The following NLK variants were observed in gnomAD, a reference collection of about 807,000 sequenced individuals.
NLK encodes the protein nemo like kinase.
A neutral mutation model predicts 59.0 loss-of-function variants in NLK; 11 were observed. The ratio of observed to expected loss-of-function variants is 0.19; its 90% confidence interval spans 0.12 to 0.31. NLK has a LOEUF of 0.31. Ranked by LOEUF, NLK falls within the 10% of genes least tolerant of loss-of-function variation. The pLI is 1.00. For synonymous variants in NLK, 235 were observed against 235.9 expected (o/e 1.00, Z 0.03); for missense variants, 410 against 661.1 (o/e 0.62, Z 4.16).
At chr17:28,132,107 A>G (rs891021734) in intron 2 of NLK, among the ~76,000 whole-genome samples, 4 of 151,846 alleles carry the variant, frequency 2.6e-5, no homozygotes, top group African/African-American at 9.7e-5. Context: ...CCTTCTTTAC[A>G]TTTTTCCTCC....
chr17:28,167,263 A>G (rs1396311928), intron 5 of NLK, among the ~76,000 whole-genome samples: 5 of 152,116 alleles, frequency 3.3e-5, no homozygotes, highest in East Asian at 1.9e-4. Flanking sequence ...TAGGGTCTCA[A>G]TCTCACTCTG....
chr17:28,078,183 T>C (rs1234093320), intron 1 of NLK, among the ~76,000 whole-genome samples: 1 of 152,216 alleles, frequency 6.6e-6, no homozygotes, highest in African/African-American at 2.4e-5. Context: ...TTTTCTGTAA[T>C]GGCAGCTGAA....
At chr17:28,081,673 C>T (rs1351728267) in intron 1 of NLK, among the ~76,000 whole-genome samples, 1 of 152,178 alleles carries the variant, frequency 6.6e-6, no homozygotes, top group Non-Finnish European at 1.5e-5. Context: ...ATGACGTGTA[C>T]ACTGGGGTAA....
chr17:28,140,803 C>G (rs1445533718), intron 3 of NLK, among the ~76,000 whole-genome samples: 2 of 151,574 alleles, frequency 1.3e-5, no homozygotes, highest in Admixed American at 6.6e-5. Flanking sequence ...ACCCCACCCC[C>G]CAAAAAAGAG....
downstream of NLK, among the ~76,000 whole-genome samples, chr17:28,196,629 A>C (rs1053987666): frequency 2.0e-5 from 3 of 152,212 alleles, no homozygotes; most frequent in African/African-American, 7.2e-5. Context: ...TAGACCTTGG[A>C]GTCTCTAATC....
At chr17:28,111,561 A>G (rs1191660604) in intron 1 of NLK, among the ~76,000 whole-genome samples, 1 of 152,096 alleles carries the variant, frequency 6.6e-6, no homozygotes, top group African/African-American at 2.4e-5. Context: ...TTTTTGCTAA[A>G]AACTGGACGT....
intron 1 of NLK, among the ~76,000 whole-genome samples, chr17:28,113,034 A>G (rs1382475966): frequency 6.6e-6 from 1 of 152,214 alleles, no homozygotes; most frequent in Non-Finnish European, 1.5e-5. Flanking sequence ...AATAATGGAA[A>G]GACTCATCCT....
At chr17:28,185,098 A>G in intron 7 of NLK, 81 bp from the exon 8 acceptor site, 1 of 732,516 alleles carries the variant, frequency 1.4e-6, no homozygotes, top group Middle Eastern at 2.4e-4. Flanking sequence ...CTGAGTACTT[A>G]CCTTATCATA....
intron 1 of NLK, among the ~76,000 whole-genome samples, chr17:28,066,745 T>A (rs1334335520): frequency 6.6e-6 from 1 of 152,230 alleles, no homozygotes; most frequent in African/African-American, 2.4e-5. Flanking sequence ...AAAGTTCCAG[T>A]TGCTTGTGAG....
intron 2 of NLK, among the ~76,000 whole-genome samples, chr17:28,125,791 A>G (rs1348576451): frequency 2.0e-5 from 3 of 152,206 alleles, no homozygotes; most frequent in Admixed American, 6.5e-5. Context: ...TGTGGAGGAT[A>G]CAATAAAGGC....
chr17:28,116,013 C>A (rs893059444), intron 1 of NLK, among the ~76,000 whole-genome samples: 7 of 151,940 alleles, frequency 4.6e-5, no homozygotes, highest in African/African-American at 1.7e-4. Flanking sequence ...ATTGTTGTTG[C>A]TGAAGTATTT....
At chr17:28,126,357 C>T (rs761553748) in intron 2 of NLK, among the ~76,000 whole-genome samples, 1 of 152,120 alleles carries the variant, frequency 6.6e-6, no homozygotes. Context: ...TTTAAAGCTT[C>T]TCAGGTGACA....
intron 2 of NLK, among the ~76,000 whole-genome samples, chr17:28,126,150 G>C (rs1172858482): frequency 6.6e-6 from 1 of 152,210 alleles, no homozygotes; most frequent in East Asian, 1.9e-4. Context: ...TATGATAAAA[G>C]CACTGTGGGA....
intron 1 of NLK, among the ~76,000 whole-genome samples, chr17:28,075,391 A>G (rs1224954841): frequency 6.6e-6 from 1 of 152,202 alleles, no homozygotes; most frequent in South Asian, 2.1e-4. Context: ...ACCTTTCTCT[A>G]CCCCTGTGAT....
chr17:28,094,726 A>AT (rs1355066386), intron 1 of NLK, among the ~76,000 whole-genome samples: 1 of 152,202 alleles, frequency 6.6e-6, no homozygotes, highest in African/African-American at 2.4e-5. Context: ...AAAGGGAGGT[A>AT]TAAGAGTTGG....
Position 28,043,351 on chromosome 17 carries a change from C to A in NLK, c.458+20C>A, listed in dbSNP as rs757737124. 3 of 1,505,810 alleles carry A rather than the reference C, an allele frequency of 2.0e-6. No homozygotes were observed. The highest frequency in any genetic ancestry group is 2.3e-5 in the Admixed American group (1 of 44,408). The allele number at this position is 1,505,810 out of a possible 1,614,324, so 93.3% of individuals were successfully genotyped here. A position where few individuals can be genotyped will look rare whatever the true frequency, so the allele number is the denominator to read the frequency against. On this transcript the variant is annotated intron_variant, in intron 1 of 10. Transcript: ENST00000407008. The stretch of plus-strand genomic sequence containing the variant: ...TGTCTGGTGAGTATCCAAAGAAAAA[C>A]ACAACCTCTCATGGTTTCTTCTGTT...
intron 1 of NLK, among the ~76,000 whole-genome samples, chr17:28,070,902 C>A (rs764555638): frequency 7.9e-5 from 12 of 152,090 alleles, no homozygotes; most frequent in Non-Finnish European, 1.6e-4. Flanking sequence ...TAGTGAAATT[C>A]TAAGCTTTTC....
chr17:28,112,985 A>G (rs1319096799), intron 1 of NLK, among the ~76,000 whole-genome samples: 3 of 152,152 alleles, frequency 2.0e-5, no homozygotes, highest in African/African-American at 7.2e-5. Flanking sequence ...AGAAGTGACA[A>G]AGTTCTTTGG....
At chr17:28,058,881 T>C (rs937147395) in intron 1 of NLK, among the ~76,000 whole-genome samples, 2 of 152,134 alleles carry the variant, frequency 1.3e-5, no homozygotes, top group African/African-American at 4.8e-5. Flanking sequence ...ATCCCAGCAC[T>C]TTGGGAGGCC....
Sources: allele counts gnomAD v4.1 joint callset (sites outside exome capture counted in the v4.1 genomes callset), GRCh38; gene constraint gnomAD v4.1.1; transcripts MANE v1.5; gene names NCBI Gene and HGNC (gene_info 2026-07-23, HGNC 2026-07-21).